IGF1: variants seen among roughly 807,000 people sequenced by gnomAD.
The protein encoded by IGF1 is insulin like growth factor 1, also known as insulin-like growth factor 1.
In IGF1, 4 loss-of-function variants were observed where a neutral mutation model predicts 13.8. That is an observed-to-expected ratio of 0.29 (90% CI 0.14 to 0.66). The LOEUF (loss-of-function observed/expected upper bound fraction) is 0.66. IGF1 is among the 30% of genes least tolerant of loss of function. The pLI is 0.78. For synonymous variants in IGF1, 76 were observed against 72.6 expected, an observed-to-expected ratio of 1.05 and a Z score of -0.23; for missense variants, 124 against 188.5, an observed-to-expected ratio of 0.66 and a Z score of 2.00.
chr12:102,432,042 A>G (rs1876785346), intron 2 of IGF1, among the ~76,000 whole-genome samples: 1 of 152,164 alleles, frequency 6.6e-6, no homozygotes, highest in South Asian at 2.1e-4. Flanking sequence ...TTTTACCCAT[A>G]ATCTTGATAT....
chr12:102,466,907 A>G (rs1361113409), intron 2 of IGF1, among the ~76,000 whole-genome samples: 1 of 152,158 alleles, frequency 6.6e-6, no homozygotes. Flanking sequence ...CCCTGTCTCA[A>G]AAAAACAAAA....
chr12:102,429,970 A>G (rs924193956), intron 2 of IGF1, among the ~76,000 whole-genome samples: 2 of 152,126 alleles, frequency 1.3e-5, no homozygotes, highest in Non-Finnish European at 2.9e-5. Flanking sequence ...GAGAATACGC[A>G]ATGTGAGACC....
chr12:102,435,987 G>A (rs1331161925), intron 2 of IGF1, among the ~76,000 whole-genome samples: 1 of 152,178 alleles, frequency 6.6e-6, no homozygotes, highest in East Asian at 1.9e-4. Context: ...CTGGAGAGAA[G>A]GGAAGAACTG....
At chr12:102,423,791 G>A (rs1430034906) in intron 2 of IGF1, among the ~76,000 whole-genome samples, 1 of 152,172 alleles carries the variant, frequency 6.6e-6, no homozygotes, top group Non-Finnish European at 1.5e-5. Flanking sequence ...CTCACATTTT[G>A]TAATGGATGC....
At chr12:102,441,837 C>G (rs1424991749) in intron 2 of IGF1, among the ~76,000 whole-genome samples, 1 of 152,046 alleles carries the variant, frequency 6.6e-6, no homozygotes, top group Non-Finnish European at 1.5e-5. Flanking sequence ...TCAGGCCACT[C>G]ACTTATTAAA....
chr12:102,480,259 C>T, intron 1 of IGF1, 60 bp downstream of exon 1: 1 of 1,489,260 alleles, frequency 6.7e-7, no homozygotes, highest in Non-Finnish European at 9.3e-7. Flanking sequence ...TAGGCAGAAG[C>T]AAACAGTACA....
rs375924224 is a variant in IGF1, at chr12:102,410,628, G to T, written c.403-8062C>A. On this transcript the variant is annotated intron_variant, in intron 3 of 3. Coordinates refer to ENST00000337514, the MANE Select transcript of IGF1 (RefSeq NM_000618.5). Reference sequence around the variant, plus strand: ...ACTGGTGTATGCAGTAACTCCTATTGCAGTGTTCTTGGGAGATGTGAGGCC... The same window carrying T: ...ACTGGTGTATGCAGTAACTCCTATTTCAGTGTTCTTGGGAGATGTGAGGCC... Among the ~76,000 whole-genome samples, 17 of 152,310 alleles carry T rather than the reference G, an allele frequency of 1.1e-4. 1 individual carries two copies. Among genetic ancestry groups the T allele is most frequent in the Admixed American group, 2.0e-4 (3 of 15,298 alleles).
At chr12:102,448,769 G>C (rs540719191) in intron 2 of IGF1, among the ~76,000 whole-genome samples, 4 of 148,422 alleles carry the variant, frequency 2.7e-5, no homozygotes, top group East Asian at 4.1e-4. Flanking sequence ...AAAAGAAGAC[G>C]TATATGCAGC....
At chr12:102,421,608 A>G (rs1875728274) in intron 2 of IGF1, among the ~76,000 whole-genome samples, 1 of 152,196 alleles carries the variant, frequency 6.6e-6, no homozygotes, top group Admixed American at 6.5e-5. Context: ...TGTTGAAACT[A>G]TAAATTTCCT....
chr12:102,438,991 T>A (rs1481281646), intron 2 of IGF1, among the ~76,000 whole-genome samples: 1 of 152,330 alleles, frequency 6.6e-6, no homozygotes, highest in East Asian at 1.9e-4. Flanking sequence ...TCCTCCCCCA[T>A]ACCCATTGGA....
chr12:102,413,036 G>T (rs1013192254), intron 3 of IGF1, among the ~76,000 whole-genome samples: 23 of 152,170 alleles, frequency 1.5e-4, no homozygotes. Context: ...TGGACCTGGA[G>T]AATTTTTGCT....
rs58794507 is a variant in IGF1, at chr12:102,448,689, T to TAAAAAAAA, written c.220+26946_220+26953dup. Among the ~76,000 whole-genome samples the TAAAAAAAA allele has an allele frequency of 7.3e-5, 8 of 110,302 alleles. No individual in the cohort carries two copies. In the East Asian group the frequency reaches 1.2e-3, roughly 17 times the overall value. The allele number at this position is 110,302 out of a possible 152,430, so 72.4% of individuals were successfully genotyped here. A position where few individuals can be genotyped will look rare whatever the true frequency, so the allele number is the denominator to read the frequency against. On this transcript the variant is annotated intron_variant, in intron 2 of 3. Coordinates refer to ENST00000337514, the MANE Select transcript of IGF1 (RefSeq NM_000618.5). ...ATGTACCCTAAAACTTAGAGTATAA[T>TAAAAAAAA]AAAAAAAAAAAAAAAAAAAAAAAAA...
chr12:102,418,461 A>C (rs1875364956), intron 3 of IGF1, among the ~76,000 whole-genome samples: 1 of 152,260 alleles, frequency 6.6e-6, no homozygotes, highest in South Asian at 2.1e-4. Flanking sequence ...ACCAGGAAGC[A>C]GCGAAGGTGT....
intron 3 of IGF1, chr12:102,417,909 T>C: frequency 6.2e-7 from 1 of 1,614,008 alleles, no homozygotes; most frequent in Non-Finnish European, 8.5e-7. Context: ...CAGACTTGCT[T>C]CTGTCCCCTC....
At chr12:102,425,184 C>T (rs891928438) in intron 2 of IGF1, among the ~76,000 whole-genome samples, 2 of 152,172 alleles carry the variant, frequency 1.3e-5, no homozygotes, top group Non-Finnish European at 2.9e-5. Flanking sequence ...AGACCCTGTA[C>T]ATTTCTGCTT....
chr12:102,441,921 T>TC (rs1367458614), intron 2 of IGF1, among the ~76,000 whole-genome samples: 7 of 117,604 alleles, frequency 6.0e-5, no homozygotes, highest in Non-Finnish European at 1.1e-4. Context: ...TTCTCCTTCT[T>TC]CTTCTTCTTC....
At chr12:102,453,878 C>T (rs1879163012) in intron 2 of IGF1, among the ~76,000 whole-genome samples, 2 of 152,278 alleles carry the variant, frequency 1.3e-5, no homozygotes, top group East Asian at 3.9e-4. Flanking sequence ...TCTCAGTGTC[C>T]TCACTTGTAA....
At chr12:102,421,279 C>T (rs1652428899) in intron 2 of IGF1, among the ~76,000 whole-genome samples, 1 of 152,150 alleles carries the variant, frequency 6.6e-6, no homozygotes, top group Non-Finnish European at 1.5e-5. Flanking sequence ...CTCCCAATGG[C>T]TGTGGCATTT....
At chr12:102,407,863 T>A (rs1393048288) in intron 3 of IGF1, among the ~76,000 whole-genome samples, 3 of 152,164 alleles carry the variant, frequency 2.0e-5, no homozygotes, top group African/African-American at 7.2e-5. Context: ...TCCCTAGGTA[T>A]TATAACCCCC....
Sources: gnomAD v4.1 joint callset for allele counts (sites outside exome capture counted in the v4.1 genomes callset) on GRCh38, gnomAD v4.1.1 for gene constraint, MANE v1.5 for transcripts, NCBI Gene and HGNC (gene_info 2026-07-23, HGNC 2026-07-21) for gene names.